Variants in ZRANB3 observed in about 807,000 individuals in gnomAD.
ZRANB3 encodes zinc finger RANBP2-type containing 3.
In ZRANB3, 125 loss-of-function variants were observed where a neutral mutation model predicts 133.8. That is an observed-to-expected ratio of 0.93 (90% CI 0.81 to 1.08). The LOEUF is 1.08. Ranked by LOEUF, ZRANB3 falls within the 50% of genes least tolerant of loss-of-function variation. ZRANB3 has a pLI of 0.00. For missense variants in ZRANB3, 1,229 were observed against 1,275.5 expected (o/e 0.96, Z 0.56); for synonymous variants, 387 against 432.7 (o/e 0.89, Z 1.31).
chr2:135,514,615 T>C (rs1458482820), intron 1 of ZRANB3, among the ~76,000 whole-genome samples: 1 of 152,012 alleles, frequency 6.6e-6, no homozygotes, highest in Non-Finnish European at 1.5e-5. Context: ...TCTCTTCCTA[T>C]CCGAATATCT....
At chr2:135,389,964 T>C (rs913917399) in intron 3 of ZRANB3, among the ~76,000 whole-genome samples, 18 of 141,870 alleles carry the variant, frequency 1.3e-4, no homozygotes, top group Admixed American at 1.2e-3. Context: ...CACTGCAAGC[T>C]CTGCCTCCTG....
At chr2:135,309,101 C>T (rs1459788494) in intron 8 of ZRANB3, among the ~76,000 whole-genome samples, 1 of 151,730 alleles carries the variant, frequency 6.6e-6, no homozygotes, top group Non-Finnish European at 1.5e-5. Context: ...CTGCCTCAGC[C>T]TCCCATGTAG....
Position 135,247,163 on chromosome 2 carries a change from G to A in ZRANB3, c.1540-16236C>T, listed in dbSNP as rs2105090697. 2.6e-5 allele frequency among the ~76,000 whole-genome samples: 4 copies of A among 152,268 alleles called. No individual in the cohort carries two copies. The South Asian group carries it at 8.3e-4, about 32-fold the overall frequency. On this transcript the variant is annotated intron_variant, in intron 12 of 20. Transcript: ENST00000264159. ...ATATTAATAAACCTATTTTACAAAT[G>A]GGTGATTGGGACATCATGCTGGTCT...
intron 20 of ZRANB3, among the ~76,000 whole-genome samples, chr2:135,201,588 A>G (rs1473288108): frequency 6.6e-6 from 1 of 150,754 alleles, no homozygotes; most frequent in Non-Finnish European, 1.5e-5. Flanking sequence ...CGGGAGGCAG[A>G]GGTTGCAGTG....
intron 12 of ZRANB3, among the ~76,000 whole-genome samples, chr2:135,255,051 G>A (rs904887725): frequency 1.3e-5 from 2 of 151,902 alleles, no homozygotes; most frequent in Non-Finnish European, 2.9e-5. Flanking sequence ...GCATCCGGCC[G>A]TAGAACATTT....
chr2:135,514,477 T>C lies in ZRANB3; in HGVS notation c.-7-9981A>G, dbSNP rs111641243. On this transcript the variant is annotated intron_variant, in intron 1 of 20. Transcript: ENST00000264159. ...TGGTGTATAAAAATGCTTGTGATTT[T>C]TGCATACTGATTTTGTATCCTGAGA... Among the ~76,000 whole-genome samples, 156 of 152,352 alleles carry C rather than the reference T, an allele frequency of 1.0e-3. 1 individual carries two copies. Among genetic ancestry groups the C allele is most frequent in the African/African-American group, 3.6e-3 (151 of 41,590 alleles).
At chr2:135,215,572 A>G (rs1694270285) in intron 17 of ZRANB3, among the ~76,000 whole-genome samples, 1 of 152,212 alleles carries the variant, frequency 6.6e-6, no homozygotes. Context: ...TTAAATCTGA[A>G]TTTGAATGAC....
intron 2 of ZRANB3, among the ~76,000 whole-genome samples, chr2:135,480,083 G>A (rs938110871): frequency 1.3e-5 from 2 of 150,764 alleles, no homozygotes; most frequent in East Asian, 3.9e-4. Flanking sequence ...ACAGGCGCCC[G>A]CCACCATGTC....
chr2:135,353,382 A>C lies in ZRANB3; in HGVS notation c.359+68T>G, dbSNP rs185968836. The C allele has an allele frequency of 5.0e-4, 567 of 1,139,600 alleles. 2 individuals are homozygous for C. The African/African-American group carries it at 8.0e-3, about 16-fold the overall frequency. The allele number at this position is 1,139,600 out of a possible 1,614,324, so 70.6% of individuals were successfully genotyped here. ...ATCTATTGGTGATATTGCATTCTAAAACATGAATATATACCAGGTACACAC... is the reference window on the plus strand; with the variant it reads ...ATCTATTGGTGATATTGCATTCTAACACATGAATATATACCAGGTACACAC... On this transcript the variant is annotated intron_variant, in intron 4 of 20. Transcript: ENST00000264159.
At chr2:135,373,046 G>A (rs112071873) in intron 3 of ZRANB3, among the ~76,000 whole-genome samples, 6 of 149,018 alleles carry the variant, frequency 4.0e-5, no homozygotes, top group Non-Finnish European at 7.4e-5. Flanking sequence ...CGACAAAAGC[G>A]AGACTCCATC....
At chr2:135,274,825 C>T (rs1363603953) in intron 9 of ZRANB3, among the ~76,000 whole-genome samples, 1 of 152,116 alleles carries the variant, frequency 6.6e-6, no homozygotes, top group Non-Finnish European at 1.5e-5. Context: ...GTGGTGATGA[C>T]TCTTAACGAG....
At chr2:135,516,568 T>C (rs558719699) in intron 1 of ZRANB3, among the ~76,000 whole-genome samples, 10 of 152,334 alleles carry the variant, frequency 6.6e-5, no homozygotes, top group African/African-American at 2.4e-4. Context: ...TGAAAATCCT[T>C]TTCCTTAAGA....
intron 4 of ZRANB3, 104 bp downstream of exon 4, chr2:135,353,346 T>C (rs1685289875): frequency 2.8e-6 from 2 of 714,252 alleles, no homozygotes; most frequent in Non-Finnish European, 4.1e-6. Context: ...TTACTCCACT[T>C]CTAAATTATT....
intron 3 of ZRANB3, among the ~76,000 whole-genome samples, chr2:135,353,869 G>T (rs925398521): frequency 1.3e-5 from 2 of 152,006 alleles, no homozygotes; most frequent in Admixed American, 1.3e-4. Context: ...GCTGGGCGTG[G>T]TAGGACACAC....
chr2:135,350,945 A>G (rs1685176247), intron 4 of ZRANB3, among the ~76,000 whole-genome samples: 1 of 152,158 alleles, frequency 6.6e-6, no homozygotes, highest in Non-Finnish European at 1.5e-5. Context: ...TCATTTACAT[A>G]TTTATGTCTC....
At chr2:135,476,487 A>C (rs1691502034) in intron 2 of ZRANB3, among the ~76,000 whole-genome samples, 1 of 152,232 alleles carries the variant, frequency 6.6e-6, no homozygotes, top group Non-Finnish European at 1.5e-5. Context: ...GGTGATAACC[A>C]CACAAGGGGT....
intron 2 of ZRANB3, among the ~76,000 whole-genome samples, chr2:135,463,454 G>C (rs1690848746): frequency 6.7e-6 from 1 of 149,794 alleles, no homozygotes; most frequent in African/African-American, 2.5e-5. Flanking sequence ...TTTTACTCTT[G>C]ATGCCCAGGC....
intron 11 of ZRANB3, among the ~76,000 whole-genome samples, chr2:135,266,125 C>G (rs1367615835): frequency 6.6e-6 from 1 of 152,120 alleles, no homozygotes; most frequent in Non-Finnish European, 1.5e-5. Flanking sequence ...AGAAGAATCC[C>G]TTGAACTCAG....
chr2:135,285,393 G>A (rs949871590), intron 8 of ZRANB3, among the ~76,000 whole-genome samples: 2 of 152,160 alleles, frequency 1.3e-5, no homozygotes, highest in Admixed American at 6.5e-5. Flanking sequence ...GAGGCAGAGT[G>A]TCCCCAATTC....
Sources: gnomAD v4.1 joint callset for allele counts (sites outside exome capture counted in the v4.1 genomes callset) on GRCh38, gnomAD v4.1.1 for gene constraint, MANE v1.5 for transcripts, NCBI Gene and HGNC (gene_info 2026-07-23, HGNC 2026-07-21) for gene names.